The following CHD9 variants were observed in gnomAD, a reference collection of about 807,000 sequenced individuals.
CHD9 encodes the protein chromodomain helicase DNA binding protein 9.
A neutral mutation model predicts 316.1 loss-of-function variants in CHD9; 77 were observed. The ratio of observed to expected loss-of-function variants is 0.24; its 90% CI spans 0.20 to 0.29. The LOEUF is 0.29. Ranked by LOEUF, CHD9 falls within the 10% of genes least tolerant of loss-of-function variation. The pLI is 1.00. For synonymous variants in CHD9, 1,129 were observed against 1,158.3 expected (o/e 0.97, Z 0.51); for missense variants, 2,763 against 3,438.1 (o/e 0.80, Z 4.91).
At chr16:53,187,323 C>T (rs2044106233) in intron 2 of CHD9, among the ~76,000 whole-genome samples, 3 of 152,002 alleles carry the variant, frequency 2.0e-5, no homozygotes, top group South Asian at 2.1e-4. Flanking sequence ...GCTTGGGCAA[C>T]ATAGCAAAAT....
At chr16:53,114,960 C>T (rs12931052) in intron 1 of CHD9, among the ~76,000 whole-genome samples, 36,872 of 152,090 alleles carry the variant, frequency 0.24, 4,727 homozygotes, top group South Asian at 0.34. Flanking sequence ...CCTCTTACTT[C>T]TACAGCTAAA....
intron 1 of CHD9, among the ~76,000 whole-genome samples, chr16:53,089,186 T>C (rs1387658929): frequency 1.3e-5 from 2 of 151,958 alleles, no homozygotes; most frequent in Non-Finnish European, 2.9e-5. Context: ...CTTGAGAGGC[T>C]GAGGCAGGTG....
intron 1 of CHD9, among the ~76,000 whole-genome samples, chr16:53,075,110 A>G (rs774564948): frequency 6.6e-6 from 1 of 152,182 alleles, no homozygotes. Flanking sequence ...GTCAAAGGAG[A>G]TCATTTTAGA....
chr16:53,133,191 A>G (rs1286246087), intron 1 of CHD9, among the ~76,000 whole-genome samples: 6 of 152,202 alleles, frequency 3.9e-5, no homozygotes, highest in African/African-American at 1.2e-4. Context: ...GTAAGTATGT[A>G]TAGTATTGCA....
At chr16:53,103,157 CT>C (rs35007115) in intron 1 of CHD9, among the ~76,000 whole-genome samples, 34,999 of 93,274 alleles carry the variant, frequency 0.38, 8,951 homozygotes, top group African/African-American at 0.69. Context: ...GACCCTGTCT[CT>C]TTAAAAAAAA....
Position 53,157,514 on chromosome 16 carries a change from CAG to C in CHD9, c.1427_1428del (p.Arg476LysfsTer23). 6.2e-7 allele frequency: 1 copy of C among 1,613,226 alleles called. No individual in the cohort carries two copies. The highest frequency in any genetic ancestry group is 2.2e-5 in the East Asian group (1 of 44,872). Reference protein sequence around the residue: ...SFSNHQHLHDRNHLCLQRQPP... With the variant: ...SFSNHQHLHDXNHLCLQRQPP... The stretch of plus-strand genomic sequence containing the variant: ...TTTCTAATCATCAGCATTTACATGA[CAG>C]AAATCACCTATGTTTACAGCGACAG... On this transcript the variant is annotated frameshift_variant, in exon 2 of 39. Transcript: ENST00000447540. LOFTEE classifies it high-confidence loss of function.
At chr16:53,234,362 A>G (rs951307853) in intron 10 of CHD9, among the ~76,000 whole-genome samples, 2 of 152,164 alleles carry the variant, frequency 1.3e-5, no homozygotes, top group Admixed American at 1.3e-4. Flanking sequence ...CTGCAGTACA[A>G]TGTTGAATAG....
chr16:53,079,536 G>A (rs2034836231), intron 1 of CHD9, among the ~76,000 whole-genome samples: 1 of 152,126 alleles, frequency 6.6e-6, no homozygotes, highest in South Asian at 2.1e-4. Flanking sequence ...CTGAATGGTA[G>A]GAATATCTTT....
intron 1 of CHD9, among the ~76,000 whole-genome samples, chr16:53,102,862 G>C (rs943286274): frequency 7.3e-5 from 11 of 151,516 alleles, no homozygotes; most frequent in Non-Finnish European, 1.3e-4. Flanking sequence ...TCTTTTTTTG[G>C]GGGGACAGAG....
In CHD9 at chr16:53,245,099, G is replaced by A. The variant is rs62049780; in HGVS notation, c.3055-237G>A. ...TTATTCTAATCATTGTAATTATGTT[G>A]TATGTGTAATGCTGAACTATGATGG... On this transcript the variant is annotated intron_variant, in intron 13 of 38. Coordinates refer to ENST00000447540, the MANE Select transcript of CHD9 (RefSeq NM_001308319.2). This position sits in a 1 kb window ranked among gnomAD's most constrained non-coding sequence, Gnocchi z 4.1. 0.28 allele frequency among the ~76,000 whole-genome samples: 42,237 copies of A among 151,756 alleles called. 5,967 individuals are homozygous for A. The highest frequency in any genetic ancestry group is 0.31 in the Middle Eastern group (91 of 292).
At chr16:53,128,079 G>A (rs2039052216) in intron 1 of CHD9, among the ~76,000 whole-genome samples, 1 of 152,158 alleles carries the variant, frequency 6.6e-6, no homozygotes, top group African/African-American at 2.4e-5. Context: ...CTTTCAAGGT[G>A]AGGAGAGCCA....
At chr16:53,283,155 T>C (rs1195899762) in intron 24 of CHD9, among the ~76,000 whole-genome samples, 2 of 152,196 alleles carry the variant, frequency 1.3e-5, no homozygotes, top group East Asian at 1.9e-4. Flanking sequence ...ACTCAGCCTT[T>C]CATAACCTCT....
intron 12 of CHD9, among the ~76,000 whole-genome samples, 181 bp from the exon 13 acceptor site, chr16:53,242,659 A>G (rs187678309): frequency 1.5e-4 from 23 of 152,346 alleles, no homozygotes; most frequent in Admixed American, 3.3e-4. Context: ...TAACAAGATT[A>G]TTGAACACGG....
At chr16:53,063,358 TCA>T (rs67988137) in intron 1 of CHD9, among the ~76,000 whole-genome samples, 14,609 of 136,884 alleles carry the variant, frequency 0.11, 744 homozygotes, top group South Asian at 0.13. Context: ...CTCATAAATT[TCA>T]CACACACACA....
chr16:53,279,675 G>A (rs1280625327), intron 24 of CHD9, among the ~76,000 whole-genome samples: 1 of 152,078 alleles, frequency 6.6e-6, no homozygotes, highest in Non-Finnish European at 1.5e-5. Flanking sequence ...ATAAATAGCT[G>A]GGACTTAATT....
chr16:53,204,953 C>G (rs1279791918), intron 2 of CHD9, among the ~76,000 whole-genome samples: 2 of 152,128 alleles, frequency 1.3e-5, no homozygotes, highest in African/African-American at 4.8e-5. Flanking sequence ...AAGCGATTCT[C>G]CTGCCTCAGC....
intron 2 of CHD9, chr16:53,208,561 C>G (rs2046070495): frequency 9.7e-7 from 1 of 1,030,142 alleles, no homozygotes; most frequent in Non-Finnish European, 1.2e-6. Flanking sequence ...ACCCTCCTTC[C>G]TTTCCCAGTG....
intron 29 of CHD9, 64 bp from the exon 30 acceptor site, chr16:53,296,892 A>G (rs1192299479): frequency 9.8e-7 from 1 of 1,017,908 alleles, no homozygotes; most frequent in African/African-American, 1.6e-5. Context: ...TAGTCATTAT[A>G]TTTAGTATTA....
Position 53,202,873 on chromosome 16 carries a change from A to C in CHD9, c.1453-6609A>C, listed in dbSNP as rs1053781945. On this transcript the variant is annotated intron_variant, in intron 2 of 38. Transcript: ENST00000447540. ...TTTTAATTTGTGAGCATGGTAGTTC[A>C]CAGATGTGAAGAAAGTGAAGTGAAA... 3.3e-5 allele frequency among the ~76,000 whole-genome samples: 5 copies of C among 152,354 alleles called. No individual in the cohort carries two copies. The East Asian group carries it at 7.7e-4, about 23-fold the overall frequency.
Sources: gnomAD v4.1 joint callset for allele counts (sites outside exome capture counted in the v4.1 genomes callset) on GRCh38, gnomAD v4.1.1 for gene constraint, Gnocchi (gnomAD v3.1) non-coding constraint, MANE v1.5 for transcripts, NCBI Gene and HGNC (gene_info 2026-07-23, HGNC 2026-07-21) for gene names.